Variants in PZP observed in about 807,000 individuals in gnomAD.
PZP encodes pregnancy zone protein.
In PZP, 150 loss-of-function variants were observed where a neutral mutation model predicts 179.8. The ratio of observed to expected loss-of-function variants is 0.83; its 90% confidence interval spans 0.73 to 0.96. The LOEUF is 0.96. Among genes scored for constraint, PZP ranks in the 40% least tolerant of loss-of-function variants. The probability of loss-of-function intolerance (pLI) is 0.00; values close to 1 mark genes in which losing one functional copy is unlikely to be tolerated. For missense variants in PZP, 1,689 were observed against 1,764.0 expected (o/e 0.96, Z 0.76); for synonymous variants, 624 against 652.3 (o/e 0.96, Z 0.66).
At position 9,152,902 on chromosome 12, in the gene PZP, G is replaced by A. The variant is rs1252909528; in HGVS notation, c.4043C>T (p.Ala1348Val). ...TTGGGGCACAGTCTGCACTTTTAAAGCAAATGGGGAGTCCTCTTTCTCTGG... is the reference window on the plus strand; with the variant it reads ...TTGGGGCACAGTCTGCACTTTTAAAACAAATGGGGAGTCCTCTTTCTCTGG... ...ILPEKEDSPFALKVQTVPQTC... is the reference protein window; with the variant it reads ...ILPEKEDSPFVLKVQTVPQTC... Residue 1348 changes from alanine to valine, a missense_variant, in exon 31 of 36, where the codon GCT (alanine) becomes GTT (valine). Transcript: ENST00000261336. 1.9e-6 allele frequency: 3 copies of A among 1,614,008 alleles called. No individual in the cohort carries two copies. Among genetic ancestry groups the A allele is most frequent in the East Asian group, 4.5e-5 (2 of 44,886 alleles).
At chr12:9,192,134 C>T (rs897279470) in intron 13 of PZP, 59 bp downstream of exon 13, 6 of 1,416,846 alleles carry the variant, frequency 4.2e-6, no homozygotes, top group South Asian at 1.2e-5. Context: ...GAACTGTCAC[C>T]GAGGGAAGGG....
Position 9,148,928 on chromosome 12 carries a change from G to A in PZP, c.*44C>T. On this transcript the variant is annotated 3_prime_UTR_variant, in exon 36 of 36. Transcript: ENST00000261336. Reference sequence around the variant, plus strand: ...ATAACTCCATTCCTTCTAAGTAAATGTATAGGACAGAGAATCCACCAAAAT... The same window carrying A: ...ATAACTCCATTCCTTCTAAGTAAATATATAGGACAGAGAATCCACCAAAAT... 6.5e-7 allele frequency: 1 copy of A among 1,530,878 alleles called. No homozygotes were observed. The highest frequency in any genetic ancestry group is 9.0e-7 in the Non-Finnish European group (1 of 1,105,744). The allele number at this position is 1,530,878 out of a possible 1,614,324, so 94.8% of individuals were successfully genotyped here.
intron 29 of PZP, among the ~76,000 whole-genome samples, chr12:9,153,547 A>G (rs1940525268): frequency 6.6e-6 from 1 of 152,250 alleles, no homozygotes; most frequent in African/African-American, 2.4e-5. Context: ...TAAAAGGCTA[A>G]TAATGTTTAT....
the PZP span, among the ~76,000 whole-genome samples, chr12:9,137,061 C>T: frequency 4.8e-4 from 73 of 152,108 alleles, no homozygotes; most frequent in African/African-American, 1.5e-3. Flanking sequence ...TTTTTGTTTT[C>T]GTTGTCTGTG....
chr12:9,148,068 T>C (rs951693462), downstream of PZP, among the ~76,000 whole-genome samples: 57 of 152,356 alleles, frequency 3.7e-4, 2 homozygotes, highest in African/African-American at 1.3e-3. Flanking sequence ...CTGCTATACC[T>C]TTGTTTATTT....
chr12:9,201,205 G>C, intron 5 of PZP, 122 bp downstream of exon 5: 1 of 1,321,222 alleles, frequency 7.6e-7, no homozygotes, highest in East Asian at 2.3e-5. Context: ...CCTGACAACT[G>C]GGAGTAGGAG....
the PZP span, among the ~76,000 whole-genome samples, chr12:9,143,708 G>A: frequency 6.6e-6 from 1 of 152,128 alleles, no homozygotes; most frequent in East Asian, 1.9e-4. Flanking sequence ...GCCATTAGCT[G>A]TCATTATCTA....
chr12:9,166,984 G>T, intron 17 of PZP: 1 of 152,122 alleles, frequency 6.6e-6, no homozygotes, highest in East Asian at 1.9e-4. Context: ...TACTTACAAG[G>T]AAAAATATAT....
intron 13 of PZP, among the ~76,000 whole-genome samples, chr12:9,183,843 A>G (rs1288052543): frequency 2.0e-5 from 3 of 152,316 alleles, no homozygotes; most frequent in East Asian, 1.9e-4. Flanking sequence ...CTATGTGTTT[A>G]TACTGCAAAG....
chr12:9,162,299 A>G (rs1365501214), intron 22 of PZP: 3 of 301,042 alleles, frequency 1.0e-5, no homozygotes, highest in Admixed American at 5.1e-5. Flanking sequence ...GGGACACTCT[A>G]AGCTTCTGCA....
In PZP at chr12:9,170,700, C is replaced by T. The variant is rs1036992087; in HGVS notation, c.1840-1109G>A. On this transcript the variant is annotated intron_variant, in intron 15 of 35. Transcript: ENST00000261336. The surrounding 1 kb of genome is among the most constrained non-coding windows in gnomAD (Gnocchi z 4.6). ...GATGGTCTGGATGAGGAACGGTCCC[C>T]CACGATGCAGCACAGCTGCCTTGCC... Among the ~76,000 whole-genome samples the T allele has an allele frequency of 1.2e-4, 19 of 152,148 alleles. No homozygotes were observed. Among genetic ancestry groups the T allele is most frequent in the African/African-American group, 4.6e-4 (19 of 41,440 alleles).
intron 15 of PZP, among the ~76,000 whole-genome samples, chr12:9,174,846 C>T (rs921948788): frequency 2.0e-5 from 3 of 152,092 alleles, no homozygotes; most frequent in East Asian, 1.9e-4. Flanking sequence ...TCCATCCTCA[C>T]GCATAAGAAG....
intron 21 of PZP, among the ~76,000 whole-genome samples, chr12:9,163,358 C>T (rs924037742): frequency 2.0e-5 from 3 of 150,246 alleles, no homozygotes; most frequent in African/African-American, 7.4e-5. Flanking sequence ...GAGGCTGAGG[C>T]AGGAGAATGG....
chr12:9,202,247 A>G, intron 4 of PZP, 72 bp downstream of exon 4: 1 of 1,327,234 alleles, frequency 7.5e-7, no homozygotes, highest in Non-Finnish European at 1.1e-6. Context: ...CTTTTCTTGT[A>G]CCTTTCTACC....
At chr12:9,143,677 A>C in the PZP span, among the ~76,000 whole-genome samples, 2 of 152,138 alleles carry the variant, frequency 1.3e-5, no homozygotes, top group South Asian at 4.1e-4. Flanking sequence ...GAATTTGAAA[A>C]ATCAAAGGTG....
rs781261856 is a variant in PZP, at chr12:9,172,059, A to G, written c.1840-2468T>C. Among the ~76,000 whole-genome samples the G allele has an allele frequency of 9.2e-4, 140 of 152,284 alleles. 1 individual carries two copies. The highest frequency in any genetic ancestry group is 3.1e-3 in the African/African-American group (127 of 41,562). ...AAATCATCAGATTCTCCAATGCCAAAATGAAAGAAACCATGTTAAGGACAC... is the reference window on the plus strand; with the variant it reads ...AAATCATCAGATTCTCCAATGCCAAGATGAAAGAAACCATGTTAAGGACAC... On this transcript the variant is annotated intron_variant, in intron 15 of 35. Transcript: ENST00000261336.
At chr12:9,173,736 G>A (rs191834883) in intron 15 of PZP, among the ~76,000 whole-genome samples, 8 of 152,194 alleles carry the variant, frequency 5.3e-5, no homozygotes, top group African/African-American at 1.9e-4. Flanking sequence ...AGAAGAAATG[G>A]ATAAACTACT....
At chr12:9,187,997 A>G (rs1352247204) in intron 13 of PZP, among the ~76,000 whole-genome samples, 1 of 152,258 alleles carries the variant, frequency 6.6e-6, no homozygotes, top group African/African-American at 2.4e-5. Flanking sequence ...GGTTGCCCCC[A>G]TGAGGAGAAG....
Position 9,152,273 on chromosome 12 carries a change from C to T in PZP, c.4159G>A (p.Val1387Ile). 6.2e-7 allele frequency: 1 copy of T among 1,613,346 alleles called. No individual in the cohort carries two copies. The highest frequency in any genetic ancestry group is 8.5e-7 in the Non-Finnish European group (1 of 1,179,356). Residue 1387 changes from valine to isoleucine, a missense_variant, in exon 32 of 36, where the codon GTT becomes ATT. Val to Ile is a conservative substitution (Grantham distance 29). Around this residue, in one of 3 missense-constraint regions of PZP, gnomAD observed 746 missense variants for 749.2 expected, o/e 1.00. Coordinates refer to ENST00000261336, the MANE Select transcript of PZP (RefSeq NM_002864.3). ...GNRPASNMVI[V>I]DVKMVSGFIP... ...AAACCAGATACCATCTTTACATCAA[C>T]AATCACCATATTGGAAGCAGGACGG...
Sources: allele counts gnomAD v4.1 joint callset (sites outside exome capture counted in the v4.1 genomes callset), GRCh38; gene constraint gnomAD v4.1.1; regional missense constraint gnomAD v4.1.1; non-coding constraint Gnocchi (gnomAD v3.1); transcripts MANE v1.5; gene names NCBI Gene and HGNC (gene_info 2026-07-23, HGNC 2026-07-21).